The following ANO1 variants were observed in gnomAD, a reference collection of about 807,000 sequenced individuals.
ANO1 encodes anoctamin 1.
Under a neutral mutation model 124.0 loss-of-function variants are expected in ANO1, and 59 were observed. The observed-to-expected ratio is 0.48, with a 90% confidence interval of 0.39 to 0.59. ANO1 has a LOEUF of 0.59. Among genes scored for constraint, ANO1 ranks in the 20% least tolerant of loss-of-function variants. ANO1 has a pLI of 0.00. For missense variants in ANO1, 1,059 were observed against 1,328.0 expected (o/e 0.80, Z 3.15); for synonymous variants, 529 against 532.0 (o/e 0.99, Z 0.08).
At chr11:70,033,166 C>G (rs371229956) in intron 1 of ANO1, among the ~76,000 whole-genome samples, 1 of 152,214 alleles carries the variant, frequency 6.6e-6, no homozygotes, top group East Asian at 1.9e-4. Flanking sequence ...CTTCACGGGG[C>G]GGTTTCACTT....
intron 1 of ANO1, among the ~76,000 whole-genome samples, chr11:70,042,431 T>C (rs1857197279): frequency 6.6e-6 from 1 of 152,096 alleles, no homozygotes; most frequent in South Asian, 2.1e-4. Flanking sequence ...AAAGTTAAAG[T>C]GTGTGAATCA....
chr11:70,184,108 C>T (rs758129429), intron 24 of ANO1, among the ~76,000 whole-genome samples: 5 of 152,200 alleles, frequency 3.3e-5, no homozygotes, highest in South Asian at 2.1e-4. Context: ...GGGGCACAAA[C>T]GGCCCCTGAG....
At position 70,103,060 on chromosome 11, in the gene ANO1, C is replaced by T. The variant is rs1430520542; in HGVS notation, c.442-6C>T. The T allele has an allele frequency of 1.2e-6, 2 of 1,607,102 alleles. No homozygotes were observed. The highest frequency in any genetic ancestry group is 3.4e-5 in the Admixed American group (2 of 59,218). On this transcript the variant is annotated splice_region_variant and splice_polypyrimidine_tract_variant and intron_variant, in intron 2 of 25. Coordinates refer to ENST00000355303, the MANE Select transcript of ANO1 (RefSeq NM_018043.7). ...CCTCAACCCAGAACTTTCCTTCTCTCTCCAGACTAAAATCCACGGAGTCGG... is the reference window on the plus strand; with the variant it reads ...CCTCAACCCAGAACTTTCCTTCTCTTTCCAGACTAAAATCCACGGAGTCGG...
chr11:70,009,044 G>A (rs1490050993), intron 1 of ANO1, among the ~76,000 whole-genome samples: 5 of 152,310 alleles, frequency 3.3e-5, no homozygotes, highest in Middle Eastern at 3.4e-3. Context: ...ATTGGCCCCC[G>A]GAGAGTCCTT....
intron 8 of ANO1, among the ~76,000 whole-genome samples, chr11:70,121,068 G>T (rs1001731583): frequency 1.3e-5 from 2 of 152,124 alleles, no homozygotes; most frequent in Non-Finnish European, 2.9e-5. Context: ...CTGGGAGTAG[G>T]CCCCCTCCAC....
chr11:70,069,781 G>C (rs1238444676), intron 1 of ANO1, among the ~76,000 whole-genome samples: 1 of 152,098 alleles, frequency 6.6e-6, no homozygotes, highest in Non-Finnish European at 1.5e-5. Context: ...GATCTGGGCT[G>C]TGATGAGCTT....
chr11:70,068,396 T>C (rs1286850906), intron 1 of ANO1, among the ~76,000 whole-genome samples: 1 of 152,226 alleles, frequency 6.6e-6, no homozygotes, highest in Non-Finnish European at 1.5e-5. Flanking sequence ...AAGGATACTT[T>C]GCATACCTAC....
In ANO1 at chr11:70,085,330, C is replaced by G. The variant is rs1359063521; in HGVS notation, c.109-2422C>G. 2.8e-6 allele frequency: 4 copies of G among 1,412,656 alleles called. No individual in the cohort carries two copies. The East Asian group carries it at 7.8e-5, about 27-fold the overall frequency. 87.5% of individuals were successfully genotyped at this position (1,412,656 alleles called of 1,614,324 possible). ...CCTCCCCCACCCTTCCCCCTGAGCC[C>G]TCCCAAGCCACCCACCCACATGGGC... On this transcript the variant is annotated intron_variant, in intron 1 of 25. Coordinates refer to ENST00000355303, the MANE Select transcript of ANO1 (RefSeq NM_018043.7).
At chr11:69,996,933 A>G in intron 1 of ANO1, among the ~76,000 whole-genome samples, 1 of 152,158 alleles carries the variant, frequency 6.6e-6, no homozygotes, top group South Asian at 2.1e-4. Flanking sequence ...TGCACAGGTC[A>G]CCTGGAACAC....
At position 70,181,655 on chromosome 11, in the gene ANO1, G is replaced by A. The variant is rs568995808; in HGVS notation, c.2404-847G>A. ...ACAACAATAACAGCAGGCTGGGCCC[G>A]GTGGCTCACACCTGTAATCCCAGCA... On this transcript the variant is annotated intron_variant, in intron 23 of 25. Transcript: ENST00000355303. Among the ~76,000 whole-genome samples the A allele has an allele frequency of 4.6e-5, 7 of 152,300 alleles. No homozygotes were observed. In the South Asian group the frequency reaches 1.0e-3, roughly 23 times the overall value.
rs1449395473 is a variant in ANO1 at position 70,142,875 on chromosome 11, A to G, written c.1259-6835A>G. On this transcript the variant is annotated intron_variant, in intron 11 of 25. Coordinates refer to ENST00000355303, the MANE Select transcript of ANO1 (RefSeq NM_018043.7). ...CCGTTCTCTGTTGTCTCCTCTTCCA[A>G]GGGTACGAATCCCATCACGAGGACC... is the stretch of plus-strand genomic sequence containing the variant. Among the ~76,000 whole-genome samples the G allele has an allele frequency of 5.3e-5, 8 of 152,156 alleles. 1 individual carries two copies. In the South Asian group the frequency reaches 1.7e-3, roughly 32 times the overall value.
At chr11:70,100,154 C>A (rs1290185424) in intron 2 of ANO1, among the ~76,000 whole-genome samples, 4 of 152,188 alleles carry the variant, frequency 2.6e-5, no homozygotes, top group African/African-American at 9.7e-5. Context: ...TGGGTCCGTG[C>A]TCCTGCAAAG....
At chr11:70,036,448 T>C (rs755372097) in intron 1 of ANO1, among the ~76,000 whole-genome samples, 2 of 152,144 alleles carry the variant, frequency 1.3e-5, no homozygotes, top group Non-Finnish European at 2.9e-5. Context: ...GGTTAGGGCA[T>C]AGGCTCAGTT....
At chr11:70,169,543 A>T (rs559746670) in intron 21 of ANO1, among the ~76,000 whole-genome samples, 129 of 150,490 alleles carry the variant, frequency 8.6e-4, no homozygotes, top group African/African-American at 3.1e-3. Flanking sequence ...CGCCTCTCGG[A>T]AGTGAGGAAG....
chr11:70,059,244 A>G (rs1591063879), intron 1 of ANO1, among the ~76,000 whole-genome samples: 1 of 149,302 alleles, frequency 6.7e-6, no homozygotes, highest in African/African-American at 2.5e-5. Context: ...CCAGCTACTC[A>G]GGAGGCTGAG....
intron 24 of ANO1, 143 bp downstream of exon 24, chr11:70,182,829 G>C (rs1406796302): frequency 1.4e-5 from 12 of 865,404 alleles, no homozygotes; most frequent in Non-Finnish European, 1.8e-5. Context: ...AAAAAAAAAG[G>C]CTGGTGCAGT....
At chr11:70,113,644 G>C (rs762616968) in intron 7 of ANO1, among the ~76,000 whole-genome samples, 13 of 152,150 alleles carry the variant, frequency 8.5e-5, no homozygotes, top group Non-Finnish European at 1.9e-4. Flanking sequence ...CTTTAAGCAG[G>C]TAATCCCTGC....
Position 70,156,950 on chromosome 11 carries a change from G to T in ANO1, c.1507G>T (p.Asp503Tyr). The T allele has an allele frequency of 6.2e-7, 1 of 1,613,430 alleles. No homozygotes were observed. The highest frequency in any genetic ancestry group is 1.1e-5 in the South Asian group (1 of 90,888). The change falls in exon 16 of 26, where the codon GAC (aspartate) becomes TAC (tyrosine). Residue 503 changes from aspartate to tyrosine, a missense_variant. Asp to Tyr is a radical substitution (Grantham distance 160, BLOSUM62 -3). Around this residue, in one of 2 missense-constraint regions of ANO1, gnomAD observed 809 missense variants for 1,094.9 expected, o/e 0.74. Transcript: ENST00000355303. The part of the protein sequence containing the change: ...KTAMAGVKLT[D>Y]KVKLTWRDRF... ...CCGGCATTGTTTTGTGTTGTAGACT[G>T]ACAAAGTGAAGCTGACATGGAGAGA...
At chr11:69,973,527 C>T in the ANO1 span, among the ~76,000 whole-genome samples, 2 of 152,190 alleles carry the variant, frequency 1.3e-5, no homozygotes, top group South Asian at 4.1e-4. Flanking sequence ...CCTTGCTAGG[C>T]GGTGCGAGGC....
Sources: gnomAD v4.1 joint callset for allele counts (sites outside exome capture counted in the v4.1 genomes callset) on GRCh38, gnomAD v4.1.1 for gene constraint, gnomAD v4.1.1 regional missense constraint, MANE v1.5 for transcripts, NCBI Gene and HGNC (gene_info 2026-07-23, HGNC 2026-07-21) for gene names.